Variants in ZEB1 observed in about 807,000 individuals in gnomAD.
ZEB1 encodes zinc finger E-box-binding homeobox 1.
A neutral mutation model predicts 84.9 loss-of-function variants in ZEB1; 21 were observed. The ratio of observed to expected loss-of-function variants is 0.25; its 90% CI spans 0.18 to 0.36. The LOEUF is 0.36. ZEB1 is among the 10% of genes least tolerant of loss of function. The pLI is 1.00. For synonymous variants in ZEB1, 420 were observed against 471.1 expected (o/e 0.89, Z 1.41); for missense variants, 1,104 against 1,330.2 (o/e 0.83, Z 2.65).
intron 1 of ZEB1, among the ~76,000 whole-genome samples, chr10:31,343,567 T>TTG (rs948742614): frequency 1.1e-4 from 16 of 152,284 alleles, no homozygotes; most frequent in Middle Eastern, 6.8e-3. Flanking sequence ...ATCTTTGTTT[T>TTG]TGTGTGTGTA....
intron 2 of ZEB1, among the ~76,000 whole-genome samples, chr10:31,479,974 A>G (rs2064825961): frequency 6.6e-6 from 1 of 151,998 alleles, no homozygotes; most frequent in Non-Finnish European, 1.5e-5. Flanking sequence ...GGTTCAGCCA[A>G]AAACTCTCAT....
chr10:31,371,816 A>AC (rs1271738202), intron 1 of ZEB1, among the ~76,000 whole-genome samples: 4 of 152,184 alleles, frequency 2.6e-5, no homozygotes. Context: ...AGTATATCTA[A>AC]CTGAGGGTCA....
chr10:31,451,742 G>C (rs899177210), intron 1 of ZEB1, among the ~76,000 whole-genome samples: 4 of 152,132 alleles, frequency 2.6e-5, no homozygotes, highest in Admixed American at 6.5e-5. Context: ...TTAGCTCATT[G>C]AGTGGATGGG....
At chr10:31,367,950 A>G (rs963804451) in intron 1 of ZEB1, among the ~76,000 whole-genome samples, 1 of 150,270 alleles carries the variant, frequency 6.7e-6, no homozygotes, top group Non-Finnish European at 1.5e-5. Flanking sequence ...GCTTTATTAT[A>G]TACTATATAT....
At chr10:31,424,097 T>C (rs2056597985) in intron 1 of ZEB1, among the ~76,000 whole-genome samples, 1 of 152,050 alleles carries the variant, frequency 6.6e-6, no homozygotes, top group South Asian at 2.1e-4. Context: ...TTAATTGTTT[T>C]GGAAAATGTT....
At chr10:31,467,304 A>T (rs931404161) in intron 2 of ZEB1, among the ~76,000 whole-genome samples, 1 of 152,182 alleles carries the variant, frequency 6.6e-6, no homozygotes, top group African/African-American at 2.4e-5. Context: ...TGTGCTAGGC[A>T]GCTGCAGCAA....
At chr10:31,473,634 C>T (rs1464439113) in intron 2 of ZEB1, among the ~76,000 whole-genome samples, 1 of 148,756 alleles carries the variant, frequency 6.7e-6, no homozygotes, top group African/African-American at 2.5e-5. Context: ...GCCATACTGC[C>T]CAAGGTAATT....
At chr10:31,439,536 A>C (rs996851468) in intron 1 of ZEB1, among the ~76,000 whole-genome samples, 3 of 152,182 alleles carry the variant, frequency 2.0e-5, no homozygotes, top group African/African-American at 7.2e-5. Flanking sequence ...TGAGGGGAAC[A>C]GTGGTGATCG....
At chr10:31,493,883 A>G (rs1344424334) in intron 2 of ZEB1, among the ~76,000 whole-genome samples, 4 of 152,042 alleles carry the variant, frequency 2.6e-5, no homozygotes, top group African/African-American at 9.7e-5. Context: ...TACTCATCTA[A>G]AGAGCCTAGA....
chr10:31,362,127 G>A (rs567545505), intron 1 of ZEB1, among the ~76,000 whole-genome samples: 20 of 137,696 alleles, frequency 1.5e-4, no homozygotes, highest in East Asian at 9.5e-4. Flanking sequence ...GGACGGCGGC[G>A]GGGCAGAGGC....
At chr10:31,479,373 G>A (rs1306293660) in intron 2 of ZEB1, among the ~76,000 whole-genome samples, 1 of 151,818 alleles carries the variant, frequency 6.6e-6, no homozygotes, top group African/African-American at 2.4e-5. Context: ...CTAGAAATTT[G>A]AAGATAAAGG....
chr10:31,436,399 G>GT (rs1430823062), intron 1 of ZEB1, among the ~76,000 whole-genome samples: 2 of 151,174 alleles, frequency 1.3e-5, no homozygotes, highest in Non-Finnish European at 2.9e-5. Flanking sequence ...ATTCTGTTTT[G>GT]TTTTTTTGTA....
At chr10:31,397,159 T>TATTA (rs573241116) in intron 1 of ZEB1, among the ~76,000 whole-genome samples, 1 of 128,362 alleles carries the variant, frequency 7.8e-6, no homozygotes, top group African/African-American at 3.0e-5. Context: ...TCTTGGGTTT[T>TATTA]TTATTATTAT....
At chr10:31,336,110 A>G (rs1419620298) in intron 1 of ZEB1, among the ~76,000 whole-genome samples, 1 of 152,202 alleles carries the variant, frequency 6.6e-6, no homozygotes, top group Admixed American at 6.5e-5. Flanking sequence ...GGAGACTTGA[A>G]CATTGTAATG....
chr10:31,498,883 T>C (rs1036606924), intron 3 of ZEB1, among the ~76,000 whole-genome samples: 15 of 152,156 alleles, frequency 9.9e-5, no homozygotes, highest in African/African-American at 3.6e-4. Flanking sequence ...TCATAAACAG[T>C]AATTAATTGT....
chr10:31,430,075 A>G lies in ZEB1; in HGVS notation c.59-30962A>G, dbSNP rs113489067. On this transcript the variant is annotated intron_variant, in intron 1 of 8. Coordinates refer to ENST00000424869, the MANE Select transcript of ZEB1 (RefSeq NM_001174096.2). ...ACTTTTACTTGAGGGAAGGATTGAT[A>G]TAAGATTCTGACATTCTGTTTTTTA... Among the ~76,000 whole-genome samples, 43 of 152,308 alleles carry G rather than the reference A, an allele frequency of 2.8e-4. 4 individuals are homozygous for G. The highest frequency in any genetic ancestry group is 1.0e-3 in the African/African-American group (43 of 41,586).
chr10:31,473,009 C>T (rs1402443097), intron 2 of ZEB1, among the ~76,000 whole-genome samples: 5 of 139,918 alleles, frequency 3.6e-5, no homozygotes, highest in African/African-American at 1.5e-4. Context: ...AATTCAACAA[C>T]CCTTCATGCT....
At chr10:31,484,361 TAACTA>T (rs2065456762) in intron 2 of ZEB1, among the ~76,000 whole-genome samples, 1 of 152,022 alleles carries the variant, frequency 6.6e-6, no homozygotes, top group African/African-American at 2.4e-5. Context: ...TTAATAATCA[TAACTA>T]TACTGAGCAG....
intron 1 of ZEB1, among the ~76,000 whole-genome samples, chr10:31,346,972 TAAA>T (rs1055665544): frequency 2.4e-4 from 36 of 152,184 alleles, no homozygotes; most frequent in Admixed American, 2.2e-3. Context: ...TGTGGTGCTT[TAAA>T]GGAGGACTTT....
Sources: gnomAD v4.1 joint callset for allele counts (sites outside exome capture counted in the v4.1 genomes callset) on GRCh38, gnomAD v4.1.1 for gene constraint, MANE v1.5 for transcripts, NCBI Gene and HGNC (gene_info 2026-07-23, HGNC 2026-07-21) for gene names.